The following COBLL1 variants were observed in gnomAD, a reference collection of about 807,000 sequenced individuals.
COBLL1 encodes the protein cordon-bleu protein-like 1.
A neutral mutation model predicts 94.8 loss-of-function variants in COBLL1; 50 were observed. That is an observed-to-expected ratio of 0.53 (90% CI 0.42 to 0.67). COBLL1 has a LOEUF of 0.67. COBLL1 is among the 30% of genes least tolerant of loss of function. The pLI, the probability that COBLL1 is intolerant of heterozygous loss-of-function variation, is 0.00. For missense variants in COBLL1, 1,362 were observed against 1,348.7 expected (o/e 1.01, Z -0.15); for synonymous variants, 448 against 473.8 (o/e 0.95, Z 0.71).
At chr2:164,745,411 G>A (rs1686812100) in intron 2 of COBLL1, among the ~76,000 whole-genome samples, 1 of 152,098 alleles carries the variant, frequency 6.6e-6, no homozygotes, top group Non-Finnish European at 1.5e-5. Context: ...AAAGAAGAAT[G>A]CCCCCCAATT....
chr2:164,719,382 A>C (rs1432894846), intron 7 of COBLL1, among the ~76,000 whole-genome samples: 1 of 152,168 alleles, frequency 6.6e-6, no homozygotes, highest in Non-Finnish European at 1.5e-5. Flanking sequence ...GGGCTGCCCT[A>C]ACAAATTACT....
chr2:164,788,074 T>A (rs1445577839), intron 2 of COBLL1, among the ~76,000 whole-genome samples: 1 of 152,156 alleles, frequency 6.6e-6, no homozygotes, highest in African/African-American at 2.4e-5. Flanking sequence ...TGGGATTGAT[T>A]CCCATAACCT....
intron 12 of COBLL1, among the ~76,000 whole-genome samples, chr2:164,694,067 A>AT (rs1192765264): frequency 6.6e-6 from 1 of 152,148 alleles, no homozygotes; most frequent in Non-Finnish European, 1.5e-5. Context: ...ACCTTACAGT[A>AT]ATACCTAAAC....
At chr2:164,673,866 A>G (rs1691290198) in intron 1 of COBLL1, among the ~76,000 whole-genome samples, 1 of 152,158 alleles carries the variant, frequency 6.6e-6, no homozygotes, top group South Asian at 2.1e-4. Context: ...AATTTTTAAA[A>G]AATATCTCTT....
intron 2 of COBLL1, among the ~76,000 whole-genome samples, chr2:164,815,186 G>A (rs1017069224): frequency 1.3e-5 from 2 of 152,030 alleles, no homozygotes; most frequent in South Asian, 2.1e-4. Context: ...GAGCACTTGA[G>A]GTCAGGAGTT....
chr2:164,775,390 C>G (rs1688416478), intron 2 of COBLL1, among the ~76,000 whole-genome samples: 1 of 152,082 alleles, frequency 6.6e-6, no homozygotes, highest in Admixed American at 6.6e-5. Context: ...GAAATCTTTC[C>G]CTGAAAACAG....
At chr2:164,820,169 T>C (rs868473420) in intron 2 of COBLL1, among the ~76,000 whole-genome samples, 1 of 150,870 alleles carries the variant, frequency 6.6e-6, no homozygotes, top group South Asian at 2.1e-4. Flanking sequence ...CTCTAAAATC[T>C]TTCTCTATTC....
At chr2:164,719,855 G>T (rs1685357870) in intron 7 of COBLL1, among the ~76,000 whole-genome samples, 1 of 151,866 alleles carries the variant, frequency 6.6e-6, no homozygotes, top group Admixed American at 6.6e-5. Context: ...TGTCTTCTCT[G>T]AATAAGTGCA....
intron 7 of COBLL1, among the ~76,000 whole-genome samples, chr2:164,716,774 G>C (rs1685189928): frequency 6.6e-6 from 1 of 152,026 alleles, no homozygotes; most frequent in East Asian, 1.9e-4. Context: ...AGCATTTTCA[G>C]TATAAGCTCT....
intron 10 of COBLL1, among the ~76,000 whole-genome samples, 182 bp downstream of exon 10, chr2:164,700,340 T>C (rs1204042942): frequency 6.6e-6 from 1 of 152,182 alleles, no homozygotes; most frequent in Admixed American, 6.5e-5. Flanking sequence ...TTGATTTTCT[T>C]TGAATGTAAT....
rs1323036378 is a variant in COBLL1 at position 164,658,727 on chromosome 2, A to G, written n.182-4813T>C. On this transcript the variant is annotated intron_variant and non_coding_transcript_variant, in intron 2 of 2. Coordinates refer to the COBLL1 transcript ENST00000495084. ...TAAGTAATTTCCATTGGTTAGCTGC[A>G]GGCAAAAGTACTTTTCCTTCTTTGG... 2.0e-5 allele frequency among the ~76,000 whole-genome samples: 3 copies of G among 152,354 alleles called. No individual in the cohort carries two copies. The South Asian group carries it at 6.2e-4, about 32-fold the overall frequency.
intron 7 of COBLL1, 71 bp from the exon 8 acceptor site, chr2:164,705,176 C>A (rs1427156447): frequency 2.4e-6 from 3 of 1,253,528 alleles, no homozygotes; most frequent in African/African-American, 3.1e-5. Flanking sequence ...AGACACTGAA[C>A]TTTACGTCAA....
chr2:164,715,088 CT>C lies in COBLL1; in HGVS notation c.996+6986del, dbSNP rs769154853. ...ATAAGTAATGTTCTTAGAGCCTTGTCTGAAACATTAGTAAGCATTATATAAG... is the reference window on the plus strand; with the variant it reads ...ATAAGTAATGTTCTTAGAGCCTTGTCGAAACATTAGTAAGCATTATATAAG... On this transcript the variant is annotated intron_variant, in intron 7 of 13. Coordinates refer to ENST00000652658, the MANE Select transcript of COBLL1 (RefSeq NM_001365672.2). Among the ~76,000 whole-genome samples, 21 of 152,234 alleles carry C rather than the reference CT, an allele frequency of 1.4e-4. No individual in the cohort carries two copies. The East Asian group carries it at 2.9e-3, about 21-fold the overall frequency.
chr2:164,817,159 A>T (rs778319836), intron 2 of COBLL1, among the ~76,000 whole-genome samples: 6 of 152,158 alleles, frequency 3.9e-5, no homozygotes, highest in Non-Finnish European at 8.8e-5. Context: ...AGCAAGAATA[A>T]CTCATAGCCA....
intron 2 of COBLL1, among the ~76,000 whole-genome samples, chr2:164,790,928 A>T (rs911711411): frequency 1.3e-5 from 2 of 152,218 alleles, no homozygotes; most frequent in Non-Finnish European, 1.5e-5. Context: ...TCCGTTGCAC[A>T]CTTCTGCATA....
chr2:164,779,498 T>G (rs1688635774), intron 2 of COBLL1, among the ~76,000 whole-genome samples: 1 of 152,020 alleles, frequency 6.6e-6, no homozygotes, highest in Admixed American at 6.6e-5. Flanking sequence ...CTCAGAGAAT[T>G]CCATGTAAGC....
At chr2:164,802,758 T>C (rs867154057) in intron 2 of COBLL1, among the ~76,000 whole-genome samples, 1 of 152,138 alleles carries the variant, frequency 6.6e-6, no homozygotes, top group African/African-American at 2.4e-5. Context: ...TTTTTGAAAG[T>C]CTATAAAATT....
intron 2 of COBLL1, among the ~76,000 whole-genome samples, chr2:164,768,192 A>G (rs1688028524): frequency 6.6e-6 from 1 of 152,178 alleles, no homozygotes. Flanking sequence ...AAAAGCAACC[A>G]CCTGCTACTC....
chr2:164,769,794 C>G (rs355852), intron 2 of COBLL1, among the ~76,000 whole-genome samples: 1 of 151,972 alleles, frequency 6.6e-6, no homozygotes, highest in Non-Finnish European at 1.5e-5. Context: ...CATATACCCC[C>G]CCCAGAGCAA....
Sources: allele counts gnomAD v4.1 joint callset (sites outside exome capture counted in the v4.1 genomes callset), GRCh38; gene constraint gnomAD v4.1.1; transcripts MANE v1.5; gene names NCBI Gene and HGNC (gene_info 2026-07-23, HGNC 2026-07-21).